The following NTAQ1 variants were observed in gnomAD, a reference collection of about 807,000 sequenced individuals.
The protein encoded by NTAQ1 is protein N-terminal glutamine amidohydrolase.
Under a neutral mutation model 28.2 loss-of-function variants are expected in NTAQ1, and 21 were observed. That is an observed-to-expected ratio of 0.74 (90% confidence interval 0.53 to 1.07). NTAQ1 has a LOEUF of 1.07. Ranked by LOEUF, NTAQ1 falls within the 50% of genes least tolerant of loss-of-function variation. The pLI is 0.00. For synonymous variants in NTAQ1, 105 were observed against 90.0 expected (o/e 1.17, Z -0.94); for missense variants, 264 against 256.6 (o/e 1.03, Z -0.20).
Position 123,435,637 on chromosome 8 carries a change from C to T in NTAQ1, c.235-816C>T, listed in dbSNP as rs567780315. ...ATTCCAGGACTTTGGGAGGCTGAGGCGGGGGGATCACTTGAGGCCAGAAGT... is the reference window on the plus strand; with the variant it reads ...ATTCCAGGACTTTGGGAGGCTGAGGTGGGGGGATCACTTGAGGCCAGAAGT... On this transcript the variant is annotated intron_variant, in intron 3 of 5. Coordinates refer to ENST00000287387, the MANE Select transcript of NTAQ1 (RefSeq NM_018024.3). The T allele has an allele frequency of 1.2e-3, 743 of 621,060 alleles. 1 individual carries two copies. The highest frequency in any genetic ancestry group is 1.4e-3 in the Non-Finnish European group (697 of 497,398). 38.5% of individuals were successfully genotyped at this position (621,060 alleles called of 1,614,324 possible).
At position 123,437,337 on chromosome 8, in the gene NTAQ1, G is replaced by T; in HGVS notation, c.508+3G>T. ...ATATCCCTGCATTGAGACTGGAGGTGAGCCAAGATGCCTTCTCAGATGGGG... is the reference window on the plus strand; with the variant it reads ...ATATCCCTGCATTGAGACTGGAGGTTAGCCAAGATGCCTTCTCAGATGGGG... On this transcript the variant is annotated splice_donor_region_variant and intron_variant, in intron 5 of 5. Transcript: ENST00000287387. 6.2e-7 allele frequency: 1 copy of T among 1,613,762 alleles called. No individual in the cohort carries two copies. Among genetic ancestry groups the T allele is most frequent in the Non-Finnish European group, 8.5e-7 (1 of 1,179,806 alleles).
At chr8:123,461,641 G>A (rs1815827475) in intron 6 of NTAQ1, among the ~76,000 whole-genome samples, 1 of 152,164 alleles carries the variant, frequency 6.6e-6, no homozygotes. Flanking sequence ...CAGGAGTCTG[G>A]CCTATTAGAC....
chr8:123,470,355 G>A (rs946448510), downstream of NTAQ1, among the ~76,000 whole-genome samples: 4 of 152,216 alleles, frequency 2.6e-5, no homozygotes, highest in African/African-American at 9.7e-5. Context: ...CGCAGTCCCT[G>A]TGTTCACTTA....
Position 123,416,778 on chromosome 8 carries a change from C to A in NTAQ1, c.-72C>A, listed in dbSNP as rs918196542. On this transcript the variant is annotated 5_prime_UTR_variant, in exon 1 of 6. Transcript: ENST00000287387. ...CGCCGGGAACCCACGCGGGCCACTA[C>A]AAGCCCGCCCTTTCCTACGTCTGGT... 6.3e-6 allele frequency: 9 copies of A among 1,432,286 alleles called. No homozygotes were observed. The South Asian group carries it at 1.1e-4, about 17-fold the overall frequency. The allele number at this position is 1,432,286 out of a possible 1,614,324, so 88.7% of individuals were successfully genotyped here. A position where few individuals can be genotyped will look rare whatever the true frequency, so the allele number is the denominator to read the frequency against.
chr8:123,448,272 C>T (rs12679590), downstream of NTAQ1: 55,012 of 151,970 alleles, frequency 0.36, 10,040 homozygotes, highest in East Asian at 0.56. Context: ...ATTCAGTGCC[C>T]ATTCAAGCAT....
chr8:123,450,084 A>G (rs181676527), downstream of NTAQ1, among the ~76,000 whole-genome samples: 1 of 149,896 alleles, frequency 6.7e-6, no homozygotes, highest in East Asian at 2.0e-4. Flanking sequence ...CTATGATATC[A>G]TTGAGAGAAT....
At chr8:123,419,721 G>A (rs1424333411) in intron 1 of NTAQ1, among the ~76,000 whole-genome samples, 1 of 142,898 alleles carries the variant, frequency 7.0e-6, no homozygotes, top group African/African-American at 2.7e-5. Flanking sequence ...GACAGCTTGG[G>A]GCAAATCCAC....
chr8:123,468,669 A>T (rs1467534495), exon 7 of NTAQ1, among the ~76,000 whole-genome samples: 3 of 152,176 alleles, frequency 2.0e-5, no homozygotes, highest in Non-Finnish European at 4.4e-5. Flanking sequence ...AGCGACATAG[A>T]TGTGCAAATA....
At chr8:123,433,366 G>T (rs1168839146) in intron 3 of NTAQ1, among the ~76,000 whole-genome samples, 1 of 152,106 alleles carries the variant, frequency 6.6e-6, no homozygotes, top group African/African-American at 2.4e-5. Flanking sequence ...TCTGCAATGG[G>T]GTCCTTTCCT....
In NTAQ1 at chr8:123,431,201, A is replaced by G. The variant is rs1298747347; in HGVS notation, c.234+1168A>G. ...AAAGTACAAAAATTAGCTGGGTGTG[A>G]TGGCGTGTGCCTGTAATCCCAGCTA... is the stretch of plus-strand genomic sequence containing the variant. On this transcript the variant is annotated intron_variant, in intron 3 of 5. Coordinates refer to ENST00000287387, the MANE Select transcript of NTAQ1 (RefSeq NM_018024.3). Among the ~76,000 whole-genome samples, 54 of 151,524 alleles carry G rather than the reference A, an allele frequency of 3.6e-4. 1 individual carries two copies. The highest frequency in any genetic ancestry group is 2.0e-4 in the East Asian group (1 of 5,076).
intron 1 of NTAQ1, among the ~76,000 whole-genome samples, chr8:123,421,905 C>G (rs1409423214): frequency 1.3e-5 from 2 of 151,978 alleles, no homozygotes; most frequent in African/African-American, 4.8e-5. Context: ...TGGTCTGGAT[C>G]TCCTGACCTC....
Position 123,441,680 on chromosome 8 carries a change from C to G in NTAQ1, c.*265C>G. 2.3e-6 allele frequency: 1 copy of G among 427,532 alleles called. No individual in the cohort carries two copies. Among genetic ancestry groups the G allele is most frequent in the South Asian group, 3.2e-5 (1 of 31,706 alleles). 26.5% of individuals were successfully genotyped at this position (427,532 alleles called of 1,614,324 possible). A position where few individuals can be genotyped will look rare whatever the true frequency, so the allele number is the denominator to read the frequency against. On this transcript the variant is annotated 3_prime_UTR_variant, in exon 6 of 6. Coordinates refer to ENST00000287387, the MANE Select transcript of NTAQ1 (RefSeq NM_018024.3). Reference sequence around the variant, plus strand: ...TGCGTTACAACACGAGGACTTAAGCCAGTAATCGTTTTTGTTCAGATAGAG... The same window carrying G: ...TGCGTTACAACACGAGGACTTAAGCGAGTAATCGTTTTTGTTCAGATAGAG...
At chr8:123,464,586 A>G (rs1815918048) in intron 6 of NTAQ1, among the ~76,000 whole-genome samples, 2 of 152,130 alleles carry the variant, frequency 1.3e-5, no homozygotes, top group Admixed American at 1.3e-4. Context: ...CAAGGGTACG[A>G]TGGGGGCTCT....
At chr8:123,416,726 C>T (rs368459108), upstream of NTAQ1, 94 of 941,734 alleles carry the variant, frequency 1.0e-4, 3 homozygotes, top group East Asian at 2.1e-3. Context: ...TGCCCCGGCC[C>T]TCTCCCCCCG....
At chr8:123,435,108 A>G (rs1318724922) in intron 3 of NTAQ1, among the ~76,000 whole-genome samples, 2 of 152,220 alleles carry the variant, frequency 1.3e-5, no homozygotes, top group East Asian at 1.9e-4. Context: ...TAATGTTGCT[A>G]GGTTGCTTTG....
chr8:123,428,115 G>A (rs1426826862), intron 2 of NTAQ1, 92 bp downstream of exon 2: 1 of 860,150 alleles, frequency 1.2e-6, no homozygotes, highest in East Asian at 2.5e-5. Flanking sequence ...TATAGCATGG[G>A]TGTAGTACTC....
At position 123,437,229 on chromosome 8, in the gene NTAQ1, G is replaced by A; in HGVS notation, c.403G>A (p.Ala135Thr). The part of the protein sequence containing the change: ...QFRRKFRVIR[A>T]DSYLKNFASD... ...CTGCAGGAAATTTAGAGTGATCCGT[G>A]CAGATTCATATTTGAAGAACTTTGC... The change falls in exon 5 of 6, where the codon GCA becomes ACA. Residue 135 changes from alanine to threonine, a missense_variant. By Grantham distance (58) the Ala-to-Thr change is moderately conservative. Coordinates refer to ENST00000287387, the MANE Select transcript of NTAQ1 (RefSeq NM_018024.3). The A allele has an allele frequency of 1.2e-6, 2 of 1,614,032 alleles. No individual in the cohort carries two copies.
chr8:123,458,099 GTTTT>G (rs34419855), intron 6 of NTAQ1, among the ~76,000 whole-genome samples: 4 of 91,370 alleles, frequency 4.4e-5, no homozygotes, highest in Non-Finnish European at 4.2e-5. Context: ...TCCCCTCACT[GTTTT>G]TTTTTTTTTT....
downstream of NTAQ1, among the ~76,000 whole-genome samples, chr8:123,452,230 G>A (rs1759315214): frequency 6.6e-6 from 1 of 152,234 alleles, no homozygotes; most frequent in Non-Finnish European, 1.5e-5. Flanking sequence ...CTTTTACCCT[G>A]GCAGTCCAGG....
Sources: gnomAD v4.1 joint callset for allele counts (sites outside exome capture counted in the v4.1 genomes callset) on GRCh38, gnomAD v4.1.1 for gene constraint, MANE v1.5 for transcripts, NCBI Gene and HGNC (gene_info 2026-07-23, HGNC 2026-07-21) for gene names.